Variants in XRRA1 observed in about 807,000 individuals in gnomAD.
XRRA1 encodes the protein X-ray radiation resistance-associated protein 1.
In XRRA1, 69 loss-of-function variants were observed where a neutral mutation model predicts 80.2. The observed-to-expected ratio is 0.86, with a 90% CI of 0.71 to 1.05. XRRA1 has a LOEUF of 1.05. XRRA1 is among the 50% of genes least tolerant of loss of function. The pLI, the probability that XRRA1 is intolerant of heterozygous loss-of-function variation, is 0.00. For synonymous variants in XRRA1, 348 were observed against 389.9 expected, an observed-to-expected ratio of 0.89 and a Z score of 1.27; for missense variants, 967 against 976.4, an observed-to-expected ratio of 0.99 and a Z score of 0.13.
chr11:74,939,294 G>A (rs1945792951), intron 3 of XRRA1, among the ~76,000 whole-genome samples: 1 of 152,202 alleles, frequency 6.6e-6, no homozygotes, highest in African/African-American at 2.4e-5. Context: ...GAAGGTTGCA[G>A]TGAGCCAAGA....
At chr11:74,851,022 G>A (rs557037) in intron 14 of XRRA1, 66 bp downstream of exon 14, 62,123 of 1,267,922 alleles carry the variant, frequency 0.049, 2,142 homozygotes, top group East Asian at 0.15. Context: ...CAGCCAGGTT[G>A]GTTTGCATAC....
At position 74,844,750 on chromosome 11, in the gene XRRA1, T is replaced by C. The variant is rs185153793; in HGVS notation, c.1927+323A>G. On this transcript the variant is annotated intron_variant, in intron 16 of 18. Transcript: ENST00000684022. ...CTGGGCTGGGAAAAGCTCAAGAATC[T>C]GGCCATTCTGGGTGTTCATTCATCA... 8.9e-4 allele frequency among the ~76,000 whole-genome samples: 135 copies of C among 152,342 alleles called. 1 individual carries two copies. In the South Asian group the frequency reaches 0.013, roughly 14 times the overall value.
In XRRA1 at chr11:74,878,454, G is replaced by A. The variant is rs922132925; in HGVS notation, c.1004-15433C>T. Among the ~76,000 whole-genome samples the A allele has an allele frequency of 5.9e-5, 9 of 152,138 alleles. No homozygotes were observed. In the East Asian group the frequency reaches 1.5e-3, roughly 26 times the overall value. On this transcript the variant is annotated intron_variant, in intron 10 of 18. Transcript: ENST00000684022. The stretch of plus-strand genomic sequence containing the variant: ...TGGTAGTTTCTTTTGCTGTGCAGAA[G>A]CTCTTTAGTTTAATCAGATCCCATT...
At chr11:74,870,255 C>G (rs778544295) in intron 10 of XRRA1, among the ~76,000 whole-genome samples, 14 of 152,160 alleles carry the variant, frequency 9.2e-5, no homozygotes, top group Non-Finnish European at 1.9e-4. Context: ...AGTTTCCTTT[C>G]ATGGAGAGCC....
chr11:74,893,939 A>T (rs550955321), intron 10 of XRRA1, among the ~76,000 whole-genome samples: 2 of 152,370 alleles, frequency 1.3e-5, no homozygotes, highest in Admixed American at 1.3e-4. Flanking sequence ...ACAAAGATAT[A>T]TGCACATGTA....
chr11:74,934,895 C>T (rs2139651377), intron 4 of XRRA1, among the ~76,000 whole-genome samples: 1 of 152,232 alleles, frequency 6.6e-6, no homozygotes, highest in Admixed American at 6.5e-5. Context: ...GATGAGAAGA[C>T]AGGAAAGGAA....
intron 10 of XRRA1, among the ~76,000 whole-genome samples, chr11:74,877,461 TTA>T (rs1338580314): frequency 1.3e-5 from 2 of 152,130 alleles, no homozygotes; most frequent in East Asian, 3.8e-4. Flanking sequence ...TTCTTTTTTT[TTA>T]TTTTTTATTT....
Position 74,842,974 on chromosome 11 carries a change from T to G in XRRA1, c.*226A>C. 1.7e-6 allele frequency: 1 copy of G among 583,066 alleles called. No homozygotes were observed. The highest frequency in any genetic ancestry group is 3.0e-6 in the Non-Finnish European group (1 of 333,122). The allele number at this position is 583,066 out of a possible 1,614,324, so 36.1% of individuals were successfully genotyped here. A position where few individuals can be genotyped will look rare whatever the true frequency, so the allele number is the denominator to read the frequency against. On this transcript the variant is annotated 3_prime_UTR_variant, in exon 19 of 19. Coordinates refer to ENST00000684022, the MANE Select transcript of XRRA1 (RefSeq NM_001378157.1). Reference sequence around the variant, plus strand: ...GCATGTGGCACCCAGTCTATTGCCCTGTGCACCCACTCTTTATTGCCGCTG... The same window carrying G: ...GCATGTGGCACCCAGTCTATTGCCCGGTGCACCCACTCTTTATTGCCGCTG...
At chr11:74,848,503 A>G in intron 14 of XRRA1, 41 bp from the exon 15 acceptor site, 1 of 1,532,902 alleles carries the variant, frequency 6.5e-7, no homozygotes. Flanking sequence ...CTTCCTAATT[A>G]GGATTCTCTC....
chr11:74,943,522 A>T (rs1215923032), intron 2 of XRRA1, among the ~76,000 whole-genome samples: 3 of 55,572 alleles, frequency 5.4e-5, no homozygotes, highest in Non-Finnish European at 1.1e-4. Flanking sequence ...AGAGAGTAGG[A>T]GGGTGTGTGT....
rs1258123686 is a variant in XRRA1 at position 74,845,186 on chromosome 11, C to G, written c.1814G>C (p.Arg605Thr). The G allele has an allele frequency of 1.2e-6, 2 of 1,614,082 alleles. No individual in the cohort carries two copies. Among genetic ancestry groups the G allele is most frequent in the Non-Finnish European group, 1.7e-6 (2 of 1,179,912 alleles). ...TTTCCTCCGAGTCCCTTTCACCTCT[C>G]TGGGTGCCGTTGGTGGTTTCTTTTG... ...KDQKKPPTAP[R>T]EVKGTRRKLP... is the part of the protein sequence containing the mutation. The change falls in exon 16 of 19, where the codon AGA becomes ACA. Residue 605 changes from arginine (R) to threonine (T), a missense_variant. Transcript: ENST00000684022.
intron 10 of XRRA1, among the ~76,000 whole-genome samples, chr11:74,874,063 C>T (rs2136322346): frequency 6.6e-6 from 1 of 151,792 alleles, no homozygotes; most frequent in African/African-American, 2.4e-5. Flanking sequence ...TGGTGAAACC[C>T]CGTCTCTACT....
chr11:74,947,793 C>T (rs1330974349), intron 1 of XRRA1, among the ~76,000 whole-genome samples: 3 of 152,068 alleles, frequency 2.0e-5, no homozygotes, highest in Admixed American at 6.5e-5. Flanking sequence ...TTTCTGATCT[C>T]GGCTCACTGC....
intron 6 of XRRA1, among the ~76,000 whole-genome samples, chr11:74,928,613 T>C (rs1436145607): frequency 2.6e-5 from 4 of 152,190 alleles, no homozygotes; most frequent in Non-Finnish European, 5.9e-5. Context: ...CCTGATGCTG[T>C]TGTACTGGCA....
At chr11:74,875,140 C>A (rs951043145) in intron 10 of XRRA1, among the ~76,000 whole-genome samples, 1 of 152,182 alleles carries the variant, frequency 6.6e-6, no homozygotes. Context: ...AGGAAATTAA[C>A]AAGTTATTAT....
rs1248687019 is a variant in XRRA1, at chr11:74,880,034, G to T, written c.1004-17013C>A. Reference sequence around the variant, plus strand: ...TCTATTGATTGGAATAGTTTCAGAAGGAATGGTACTAGTTCCTCCTTGTAC... The same window carrying T: ...TCTATTGATTGGAATAGTTTCAGAATGAATGGTACTAGTTCCTCCTTGTAC... On this transcript the variant is annotated intron_variant, in intron 10 of 18. Transcript: ENST00000684022. 6.6e-5 allele frequency among the ~76,000 whole-genome samples: 10 copies of T among 152,092 alleles called. No homozygotes were observed. The South Asian group carries it at 1.0e-3, about 16-fold the overall frequency.
intron 10 of XRRA1, among the ~76,000 whole-genome samples, chr11:74,885,138 C>T (rs934296982): frequency 3.9e-5 from 6 of 152,026 alleles, no homozygotes; most frequent in African/African-American, 1.5e-4. Context: ...ATGAAGTGCA[C>T]CTATAGTTCC....
chr11:74,871,289 CA>C (rs1323614237), intron 10 of XRRA1, among the ~76,000 whole-genome samples: 1 of 152,174 alleles, frequency 6.6e-6, no homozygotes, highest in Non-Finnish European at 1.5e-5. Context: ...CTCAGGGAAC[CA>C]AGAAGGGAAA....
chr11:74,918,502 A>G (rs942215858), intron 8 of XRRA1, among the ~76,000 whole-genome samples: 1 of 152,222 alleles, frequency 6.6e-6, no homozygotes, highest in Admixed American at 6.5e-5. Flanking sequence ...TGTCTTCAGT[A>G]TAAGAGGAAG....
Sources: allele counts gnomAD v4.1 joint callset (sites outside exome capture counted in the v4.1 genomes callset), GRCh38; gene constraint gnomAD v4.1.1; transcripts MANE v1.5; gene names NCBI Gene and HGNC (gene_info 2026-07-23, HGNC 2026-07-21).